Variants in CNTNAP4 observed in about 807,000 individuals in gnomAD.
CNTNAP4 encodes contactin associated protein family member 4.
A neutral mutation model predicts 148.4 loss-of-function variants in CNTNAP4; 98 were observed. The ratio of observed to expected loss-of-function variants is 0.66; its 90% CI spans 0.56 to 0.78. The LOEUF (loss-of-function observed/expected upper bound fraction) is 0.78, where lower values mean the gene tolerates loss of function less well. Ranked by LOEUF, CNTNAP4 falls within the 30% of genes least tolerant of loss-of-function variation. The pLI is 0.00. For synonymous variants in CNTNAP4, 730 were observed against 565.1 expected (o/e 1.29, Z -4.14); for missense variants, 1,935 against 1,565.6 (o/e 1.24, Z -3.98).
At chr16:76,537,302 A>G (rs9928037) in intron 18 of CNTNAP4, among the ~76,000 whole-genome samples, 77,239 of 151,998 alleles carry the variant, frequency 0.51, 19,667 homozygotes, top group South Asian at 0.57. Flanking sequence ...GAGCCTAAAC[A>G]TTACTGTATG....
chr16:76,492,412 A>G (rs570858019), intron 13 of CNTNAP4, among the ~76,000 whole-genome samples: 8 of 152,354 alleles, frequency 5.3e-5, no homozygotes, highest in Admixed American at 1.3e-4. Context: ...GCTGAAAAAT[A>G]AAATGTAAGA....
intron 15 of CNTNAP4, among the ~76,000 whole-genome samples, chr16:76,516,450 C>T (rs1263895278): frequency 3.9e-5 from 6 of 152,156 alleles, no homozygotes; most frequent in African/African-American, 1.4e-4. Flanking sequence ...CCAGTAATGG[C>T]ATTGCTGGGT....
intron 2 of CNTNAP4, among the ~76,000 whole-genome samples, chr16:76,318,787 T>C (rs8061002): frequency 6.8e-6 from 1 of 147,320 alleles, no homozygotes; most frequent in African/African-American, 2.5e-5. Flanking sequence ...TCATAATAAT[T>C]AATAATTATG....
chr16:76,497,669 A>G (rs1250821925), intron 14 of CNTNAP4, among the ~76,000 whole-genome samples: 2 of 150,624 alleles, frequency 1.3e-5, no homozygotes, highest in Non-Finnish European at 3.0e-5. Flanking sequence ...CATGGGGGGG[A>G]ACATCACACA....
intron 3 of CNTNAP4, among the ~76,000 whole-genome samples, chr16:76,360,522 C>A (rs2013279016): frequency 6.6e-6 from 1 of 152,148 alleles, no homozygotes. Context: ...CCTAAGCCTA[C>A]AAGCAGCATT....
intron 21 of CNTNAP4, among the ~76,000 whole-genome samples, chr16:76,551,404 A>ATATAT (rs1555604334): frequency 3.1e-4 from 43 of 139,508 alleles, no homozygotes; most frequent in East Asian, 3.1e-3. Flanking sequence ...TTAAAAAAAA[A>ATATAT]ATATATATAT....
At position 76,521,166 on chromosome 16, in the gene CNTNAP4, G is replaced by C. The variant is rs1371874802; in HGVS notation, c.2392G>C (p.Asp798His). The change falls in exon 16 of 24, where the codon GAT becomes CAT. Residue 798 changes from aspartate to histidine, a missense_variant. By Grantham distance (81) the Asp-to-His change is moderately conservative. Transcript: ENST00000611870. ...ATCATTTTGGAATTCAGCTTCCTTT[G>C]ATACCGAGGCTTCATATCTTCATTT... ...DRSFWNSASF[D>H]TEASYLHFPT... 19 of 1,580,596 alleles carry C rather than the reference G, an allele frequency of 1.2e-5. No individual in the cohort carries two copies. Among genetic ancestry groups the C allele is most frequent in the Non-Finnish European group, 1.5e-5 (18 of 1,168,594 alleles).
intron 1 of CNTNAP4, among the ~76,000 whole-genome samples, chr16:76,304,859 C>T (rs80161581): frequency 2.0e-5 from 3 of 152,166 alleles, no homozygotes; most frequent in East Asian, 3.8e-4. Context: ...TCCCTAAAAT[C>T]ATTCAGTTTG....
At chr16:76,316,306 A>G (rs1170993782) in intron 1 of CNTNAP4, 107 bp from the exon 2 acceptor site, 3 of 747,780 alleles carry the variant, frequency 4.0e-6, no homozygotes, top group Non-Finnish European at 7.3e-6. Context: ...GAGATCTTAG[A>G]TCCTAGTTTT....
intron 1 of CNTNAP4, among the ~76,000 whole-genome samples, chr16:76,313,190 T>C (rs900103127): frequency 6.6e-6 from 1 of 152,194 alleles, no homozygotes; most frequent in Non-Finnish European, 1.5e-5. Flanking sequence ...TAATTTATAG[T>C]TGGCAAAAAC....
chr16:76,385,398 T>G (rs568090548), intron 3 of CNTNAP4, among the ~76,000 whole-genome samples: 2 of 152,308 alleles, frequency 1.3e-5, no homozygotes, highest in African/African-American at 4.8e-5. Context: ...TTTAGCAATT[T>G]TGATTATAAA....
chr16:76,424,185 T>A (rs1351800433), intron 3 of CNTNAP4, among the ~76,000 whole-genome samples: 2 of 152,158 alleles, frequency 1.3e-5, no homozygotes, highest in African/African-American at 4.8e-5. Flanking sequence ...GATGTCTTAT[T>A]CCATTTACCT....
At chr16:76,527,387 T>C (rs2083789075) in intron 17 of CNTNAP4, among the ~76,000 whole-genome samples, 1 of 152,188 alleles carries the variant, frequency 6.6e-6, no homozygotes, top group East Asian at 1.9e-4. Context: ...TAATTGATTT[T>C]CTGGTTACAG....
chr16:76,398,777 T>A (rs916970131), intron 3 of CNTNAP4, among the ~76,000 whole-genome samples: 2 of 152,158 alleles, frequency 1.3e-5, no homozygotes, highest in African/African-American at 2.4e-5. Flanking sequence ...ATATTTTTTA[T>A]CTTTTTAAAT....
chr16:76,427,781 T>C (rs2079464764), intron 4 of CNTNAP4, among the ~76,000 whole-genome samples, 182 bp downstream of exon 4: 1 of 152,222 alleles, frequency 6.6e-6, no homozygotes, highest in Admixed American at 6.5e-5. Flanking sequence ...TGTTCAACTT[T>C]AACATTTTAA....
At chr16:76,419,669 G>C (rs2079111309) in intron 3 of CNTNAP4, among the ~76,000 whole-genome samples, 1 of 152,044 alleles carries the variant, frequency 6.6e-6, no homozygotes, top group Admixed American at 6.6e-5. Context: ...ATGGTGGTGT[G>C]TCATGTGTAC....
chr16:76,349,886 T>C (rs1242150930), intron 2 of CNTNAP4, among the ~76,000 whole-genome samples: 1 of 152,118 alleles, frequency 6.6e-6, no homozygotes, highest in African/African-American at 2.4e-5. Flanking sequence ...CCTTTACTGA[T>C]GACCACCAGG....
At chr16:76,528,355 T>C (rs2083831282) in intron 17 of CNTNAP4, among the ~76,000 whole-genome samples, 1 of 152,138 alleles carries the variant, frequency 6.6e-6, no homozygotes, top group African/African-American at 2.4e-5. Flanking sequence ...AACCTACGCC[T>C]CCCAGGCTCA....
In CNTNAP4 at chr16:76,553,289, G is replaced by T; in HGVS notation, c.3449G>T (p.Ser1150Ile). The T allele has an allele frequency of 6.3e-7, 1 of 1,590,638 alleles. No individual in the cohort carries two copies. The highest frequency in any genetic ancestry group is 8.6e-7 in the Non-Finnish European group (1 of 1,161,056). Reference protein sequence around the residue: ...SLVLGRILEHSDVDQDTALAG... With the variant: ...SLVLGRILEHIDVDQDTALAG... ...TGTTTCTTTGAATTTCTAGAACACA[G>T]TGATGTGGACCAGGATACTGCACTG... The change falls in exon 22 of 24, where the codon AGT becomes ATT. Residue 1150 changes from serine (S) to isoleucine (I), a missense_variant. Physicochemically the swap from Ser to Ile is moderately radical, Grantham distance 142. Coordinates refer to ENST00000611870, the MANE Select transcript of CNTNAP4 (RefSeq NM_033401.5).
Sources: allele counts gnomAD v4.1 joint callset (sites outside exome capture counted in the v4.1 genomes callset), GRCh38; gene constraint gnomAD v4.1.1; transcripts MANE v1.5; gene names NCBI Gene and HGNC (gene_info 2026-07-23, HGNC 2026-07-21).